FSTL4: variants seen among roughly 807,000 people sequenced by gnomAD.
FSTL4 encodes follistatin like 4, also known as follistatin-related protein 4.
A neutral mutation model predicts 78.2 loss-of-function variants in FSTL4; 28 were observed. The ratio of observed to expected loss-of-function variants is 0.36; its 90% confidence interval spans 0.27 to 0.49. The LOEUF is 0.49. Ranked by LOEUF, FSTL4 falls within the 20% of genes least tolerant of loss-of-function variation. The probability of loss-of-function intolerance (pLI) is 0.98; values close to 1 mark genes in which losing one functional copy is unlikely to be tolerated. For missense variants in FSTL4, 922 were observed against 1,084.9 expected (o/e 0.85, Z 2.11); for synonymous variants, 422 against 440.5 (o/e 0.96, Z 0.53).
intron 6 of FSTL4, among the ~76,000 whole-genome samples, chr5:133,286,845 C>T (rs532195775): frequency 6.6e-6 from 1 of 152,246 alleles, no homozygotes; most frequent in Non-Finnish European, 1.5e-5. Flanking sequence ...TTAAGACACA[C>T]TGATCGCCTC....
intron 3 of FSTL4, among the ~76,000 whole-genome samples, chr5:133,498,985 A>T (rs1758429487): frequency 6.9e-6 from 1 of 144,386 alleles, no homozygotes; most frequent in Non-Finnish European, 1.5e-5. Context: ...CCATGTTTTC[A>T]TCAGCAACAA....
the FSTL4 span, among the ~76,000 whole-genome samples, chr5:133,702,080 G>A: frequency 2.0e-5 from 3 of 152,172 alleles, no homozygotes; most frequent in African/African-American, 4.8e-5. Flanking sequence ...CTGGGAAGCA[G>A]ATATCCACAT....
At chr5:133,809,581 C>CCCCCAAGT in the FSTL4 span, among the ~76,000 whole-genome samples, 6 of 151,010 alleles carry the variant, frequency 4.0e-5, no homozygotes, top group Admixed American at 4.0e-4. Context: ...TAAAGTCCAC[C>CCCCCAAGT]CCCCAAGTCA....
At chr5:133,708,970 G>A in the FSTL4 span, among the ~76,000 whole-genome samples, 1 of 152,150 alleles carries the variant, frequency 6.6e-6, no homozygotes, top group Non-Finnish European at 1.5e-5. Context: ...GGCAGTCTCT[G>A]GCACATAGTA....
chr5:133,799,927 T>C, the FSTL4 span, among the ~76,000 whole-genome samples: 1 of 139,464 alleles, frequency 7.2e-6, no homozygotes, highest in South Asian at 2.3e-4. Flanking sequence ...GGTGATGTTC[T>C]GCAGTTCATC....
intron 4 of FSTL4, among the ~76,000 whole-genome samples, chr5:133,372,871 T>G (rs1755345413): frequency 6.6e-6 from 1 of 152,154 alleles, no homozygotes; most frequent in Non-Finnish European, 1.5e-5. Flanking sequence ...GGTGACTCCT[T>G]GTAACAGGCT....
chr5:133,453,376 G>C (rs76352611), intron 3 of FSTL4, among the ~76,000 whole-genome samples: 14,243 of 152,136 alleles, frequency 0.094, 903 homozygotes, highest in Non-Finnish European at 0.13. Context: ...ATTCAGACTA[G>C]ATGAACTTCT....
intron 3 of FSTL4, among the ~76,000 whole-genome samples, chr5:133,489,580 A>C (rs1160153662): frequency 6.6e-6 from 1 of 152,220 alleles, no homozygotes; most frequent in Non-Finnish European, 1.5e-5. Context: ...AATATTCTTA[A>C]GAAGACATGC....
In FSTL4 at chr5:133,202,047, A is replaced by G; in HGVS notation, c.1717-5T>C. 6.3e-7 allele frequency: 1 copy of G among 1,588,258 alleles called. No homozygotes were observed. The highest frequency in any genetic ancestry group is 8.6e-7 in the Non-Finnish European group (1 of 1,162,190). ...GGTGCTGGCTTCTGTGATCACCTAC[A>G]ACACAGAGTGGGAATCCTAGTGAGG... On this transcript the variant is annotated splice_region_variant and splice_polypyrimidine_tract_variant and intron_variant, in intron 14 of 15. Transcript: ENST00000265342.
chr5:133,244,572 G>C (rs1244319844), intron 7 of FSTL4: 2 of 152,172 alleles, frequency 1.3e-5, no homozygotes, highest in Non-Finnish European at 2.9e-5. Context: ...CAAACAGAAG[G>C]CGGCGTCATA....
chr5:133,371,738 T>C (rs1439062271), intron 4 of FSTL4, among the ~76,000 whole-genome samples: 4 of 152,242 alleles, frequency 2.6e-5, no homozygotes, highest in Non-Finnish European at 4.4e-5. Context: ...GCATTGTTTG[T>C]TACAGGAGCA....
the FSTL4 span, among the ~76,000 whole-genome samples, chr5:133,634,942 A>C: frequency 1.3e-5 from 2 of 152,170 alleles, no homozygotes; most frequent in Non-Finnish European, 2.9e-5. Context: ...GAGCTTAGTT[A>C]TAAATATATT....
At chr5:133,677,398 T>C in the FSTL4 span, among the ~76,000 whole-genome samples, 1 of 152,218 alleles carries the variant, frequency 6.6e-6, no homozygotes, top group Non-Finnish European at 1.5e-5. Flanking sequence ...TATACTCTCA[T>C]TGTCCATGCA....
At chr5:133,280,773 C>T (rs970963687) in intron 6 of FSTL4, among the ~76,000 whole-genome samples, 2 of 152,220 alleles carry the variant, frequency 1.3e-5, no homozygotes, top group Non-Finnish European at 2.9e-5. Flanking sequence ...CCCTGGCCCT[C>T]CACATTCCAG....
the FSTL4 span, among the ~76,000 whole-genome samples, chr5:133,649,982 G>A: frequency 7.2e-5 from 11 of 152,198 alleles, no homozygotes; most frequent in Middle Eastern, 3.4e-3. Context: ...TAAGAAGCAT[G>A]GTGCTGAAAT....
the FSTL4 span, among the ~76,000 whole-genome samples, chr5:133,810,241 C>A: frequency 3.9e-5 from 6 of 152,230 alleles, no homozygotes; most frequent in Non-Finnish European, 8.8e-5. Flanking sequence ...ACAAATGACA[C>A]CTGGGGGCTG....
intron 4 of FSTL4, among the ~76,000 whole-genome samples, chr5:133,321,006 CAAAAA>C (rs3976680): frequency 2.2e-5 from 2 of 90,436 alleles, no homozygotes; most frequent in South Asian, 4.1e-4. Context: ...GACTCCGTCT[CAAAAA>C]AAAAAAAAAA....
At chr5:133,820,066 A>G in the FSTL4 span, among the ~76,000 whole-genome samples, 1 of 152,190 alleles carries the variant, frequency 6.6e-6, no homozygotes, top group East Asian at 1.9e-4. Flanking sequence ...TCTTCCCAGC[A>G]CGGCACGGCG....
In FSTL4 at chr5:133,393,679, C is replaced by T. The variant is rs943382277; in HGVS notation, c.409+7059G>A. ...CAGACCAGGCTGAAGGTAGGCTTGT[C>T]CCCAGAGGCTCTGCCTGCTTTTGAC... On this transcript the variant is annotated intron_variant, in intron 4 of 15. Coordinates refer to ENST00000265342, the MANE Select transcript of FSTL4 (RefSeq NM_015082.2). Among the ~76,000 whole-genome samples the T allele has an allele frequency of 3.7e-4, 57 of 152,234 alleles. 1 individual carries two copies. Among genetic ancestry groups the T allele is most frequent in the African/African-American group, 1.2e-3 (50 of 41,454 alleles).
Sources: allele counts gnomAD v4.1 joint callset (sites outside exome capture counted in the v4.1 genomes callset), GRCh38; gene constraint gnomAD v4.1.1; transcripts MANE v1.5; gene names NCBI Gene and HGNC (gene_info 2026-07-23, HGNC 2026-07-21).